PLEKHG1: variants seen among roughly 807,000 people sequenced by gnomAD.
PLEKHG1 encodes the protein pleckstrin homology and RhoGEF domain containing G1.
PLEKHG1 carries 44 observed loss-of-function variants against 100.8 expected under a neutral mutation model. The ratio of observed to expected loss-of-function variants is 0.44; its 90% CI spans 0.34 to 0.56. The LOEUF (loss-of-function observed/expected upper bound fraction) is 0.56, where lower values mean the gene tolerates loss of function less well. Ranked by LOEUF, PLEKHG1 falls within the 20% of genes least tolerant of loss-of-function variation. PLEKHG1 has a pLI of 0.01. For missense variants in PLEKHG1, 1,545 were observed against 1,720.9 expected (o/e 0.90, Z 1.81); for synonymous variants, 640 against 662.5 (o/e 0.97, Z 0.52).
chr6:150,791,172 A>T (rs996814701), intron 4 of PLEKHG1, among the ~76,000 whole-genome samples: 2 of 152,148 alleles, frequency 1.3e-5, no homozygotes, highest in African/African-American at 4.8e-5. Flanking sequence ...CCTAGGCCCT[A>T]CTCTAAGACC....
intron 7 of PLEKHG1, among the ~76,000 whole-genome samples, chr6:150,808,886 G>A (rs1787310251): frequency 6.6e-6 from 1 of 152,190 alleles, no homozygotes; most frequent in South Asian, 2.1e-4. Flanking sequence ...TAAGTAATTA[G>A]CAGCTTGTCA....
intron 4 of PLEKHG1, among the ~76,000 whole-genome samples, chr6:150,790,147 G>A (rs912043792): frequency 6.6e-6 from 1 of 152,022 alleles, no homozygotes; most frequent in African/African-American, 2.4e-5. Context: ...CCGCCCCCAC[G>A]AGTAGCTGGG....
At chr6:150,783,075 T>C (rs1017582772) in intron 3 of PLEKHG1, among the ~76,000 whole-genome samples, 1 of 132,474 alleles carries the variant, frequency 7.5e-6, no homozygotes, top group Non-Finnish European at 1.6e-5. Flanking sequence ...GCAAGAAACA[T>C]CCAAAACACA....
At chr6:150,640,679 G>A (rs778977631) in intron 2 of PLEKHG1, among the ~76,000 whole-genome samples, 16 of 152,088 alleles carry the variant, frequency 1.1e-4, no homozygotes, top group Admixed American at 3.3e-4. Flanking sequence ...TTCACTCGTC[G>A]CCCTGAACTG....
intron 15 of PLEKHG1, 108 bp downstream of exon 16, chr6:150,832,313 G>A: frequency 4.5e-6 from 4 of 888,556 alleles, no homozygotes. Flanking sequence ...TGACACTCAA[G>A]CTTTGTCATC....
chr6:150,734,994 T>C (rs1782486970), intron 2 of PLEKHG1, among the ~76,000 whole-genome samples: 1 of 147,610 alleles, frequency 6.8e-6, no homozygotes, highest in Non-Finnish European at 1.5e-5. Flanking sequence ...TTTTTTTTTT[T>C]TTTTTTTTTG....
intron 2 of PLEKHG1, among the ~76,000 whole-genome samples, chr6:150,740,946 T>C (rs1475924774): frequency 6.6e-6 from 1 of 152,192 alleles, no homozygotes; most frequent in Non-Finnish European, 1.5e-5. Context: ...CTCTGTGTTA[T>C]TGTTGTTGTT....
upstream of PLEKHG1, among the ~76,000 whole-genome samples, chr6:150,718,512 C>T (rs376615659): frequency 3.3e-5 from 5 of 151,062 alleles, no homozygotes; most frequent in African/African-American, 1.2e-4. Context: ...CTCTGTCACC[C>T]AGACTGGAGT....
intron 1 of PLEKHG1, among the ~76,000 whole-genome samples, chr6:150,633,975 C>A (rs1009414709): frequency 6.6e-6 from 1 of 151,800 alleles, no homozygotes; most frequent in East Asian, 1.9e-4. Context: ...GGCGTGGTGG[C>A]TCAGGCCTGT....
At chr6:150,624,320 T>A (rs1054745147) in intron 1 of PLEKHG1, among the ~76,000 whole-genome samples, 15 of 151,928 alleles carry the variant, frequency 9.9e-5, no homozygotes, top group Non-Finnish European at 2.1e-4. Context: ...GTCTCCAGGA[T>A]CCTCCCCTCC....
chr6:150,764,914 C>A (rs113744274), intron 2 of PLEKHG1, among the ~76,000 whole-genome samples: 2 of 148,696 alleles, frequency 1.3e-5, no homozygotes, highest in Non-Finnish European at 3.0e-5. Flanking sequence ...TCAACTATAC[C>A]GGGAGCTTGC....
intron 15 of PLEKHG1, among the ~76,000 whole-genome samples, chr6:150,833,402 C>T (rs1222418508): frequency 1.3e-5 from 2 of 152,232 alleles, no homozygotes; most frequent in Non-Finnish European, 2.9e-5. Context: ...AACACTATCT[C>T]ATTTAGTATT....
intron 3 of PLEKHG1, among the ~76,000 whole-genome samples, chr6:150,695,891 T>C (rs1780525167): frequency 1.3e-5 from 2 of 152,160 alleles, no homozygotes; most frequent in Admixed American, 1.3e-4. Context: ...AGCTGTGAAA[T>C]GACTAAGTAG....
At chr6:150,743,920 G>C (rs1476214094) in intron 2 of PLEKHG1, among the ~76,000 whole-genome samples, 1 of 152,108 alleles carries the variant, frequency 6.6e-6, no homozygotes, top group African/African-American at 2.4e-5. Context: ...TGAGTGGGAG[G>C]GAATCAATAA....
chr6:150,787,001 GC>G (rs1785663018), intron 4 of PLEKHG1, among the ~76,000 whole-genome samples: 1 of 141,466 alleles, frequency 7.1e-6, no homozygotes, highest in African/African-American at 2.7e-5. Flanking sequence ...TTGCACTCCA[GC>G]CTGGGTGACA....
intron 2 of PLEKHG1, among the ~76,000 whole-genome samples, chr6:150,648,116 A>C (rs1266836155): frequency 6.6e-6 from 1 of 152,034 alleles, no homozygotes; most frequent in African/African-American, 2.4e-5. Context: ...GACTGTCTTC[A>C]TTTTAATTTG....
chr6:150,812,692 C>T (rs1286718728), intron 10 of PLEKHG1, among the ~76,000 whole-genome samples: 2 of 152,112 alleles, frequency 1.3e-5, no homozygotes, highest in Admixed American at 1.3e-4. Flanking sequence ...TCTCGTCTGG[C>T]TCGAATGCCG....
chr6:150,800,998 C>A (rs1786668037), intron 6 of PLEKHG1, 129 bp downstream of exon 7: 1 of 715,022 alleles, frequency 1.4e-6, no homozygotes, highest in Non-Finnish European at 2.3e-6. Flanking sequence ...TATTTCACAA[C>A]TGACTAATCT....
intron 2 of PLEKHG1, among the ~76,000 whole-genome samples, chr6:150,640,851 C>T (rs1778223519): frequency 6.6e-6 from 1 of 152,124 alleles, no homozygotes; most frequent in South Asian, 2.1e-4. Flanking sequence ...GAAATGGGGT[C>T]TCCTGTGGTC....
Sources: gnomAD v4.1 joint callset for allele counts (sites outside exome capture counted in the v4.1 genomes callset) on GRCh38, gnomAD v4.1.1 for gene constraint, MANE v1.5 for transcripts, NCBI Gene and HGNC (gene_info 2026-07-23, HGNC 2026-07-21) for gene names.